CARMIL1: variants seen among roughly 807,000 people sequenced by gnomAD.
CARMIL1 encodes capping protein regulator and myosin 1 linker 1.
Under a neutral mutation model 177.1 loss-of-function variants are expected in CARMIL1, and 90 were observed. The ratio of observed to expected loss-of-function variants is 0.51; its 90% CI spans 0.43 to 0.61. The LOEUF (loss-of-function observed/expected upper bound fraction) is 0.61, where lower values mean the gene tolerates loss of function less well. Ranked by LOEUF, CARMIL1 falls within the 20% of genes least tolerant of loss-of-function variation. CARMIL1 has a pLI of 0.00. For synonymous variants in CARMIL1, 577 were observed against 606.2 expected (o/e 0.95, Z 0.71); for missense variants, 1,380 against 1,667.0 (o/e 0.83, Z 3.00).
At chr6:25,411,583 GC>G (rs1794907956) in intron 2 of CARMIL1, among the ~76,000 whole-genome samples, 1 of 152,150 alleles carries the variant, frequency 6.6e-6, no homozygotes, top group Non-Finnish European at 1.5e-5. Context: ...TTTCTTTTAT[GC>G]TTTGATAACA....
chr6:25,536,892 T>C (rs1003065202), intron 24 of CARMIL1, among the ~76,000 whole-genome samples: 2 of 152,132 alleles, frequency 1.3e-5, no homozygotes, highest in African/African-American at 4.8e-5. Flanking sequence ...AAGAGGACTC[T>C]TGACATGTAA....
intron 2 of CARMIL1, among the ~76,000 whole-genome samples, chr6:25,349,393 A>G (rs1175472269): frequency 6.6e-6 from 1 of 152,256 alleles, no homozygotes; most frequent in Non-Finnish European, 1.5e-5. Context: ...GTTATTAACC[A>G]AATGAAATGA....
At chr6:25,367,699 A>C (rs1273798755) in intron 2 of CARMIL1, among the ~76,000 whole-genome samples, 1 of 152,156 alleles carries the variant, frequency 6.6e-6, no homozygotes, top group African/African-American at 2.4e-5. Context: ...TGAACACTTG[A>C]CTTCCAAACA....
At chr6:25,550,514 T>C (rs978838141) in intron 26 of CARMIL1, among the ~76,000 whole-genome samples, 1 of 152,156 alleles carries the variant, frequency 6.6e-6, no homozygotes, top group Admixed American at 6.5e-5. Context: ...ATATGATATA[T>C]TTTCTAGGGT....
intron 2 of CARMIL1, among the ~76,000 whole-genome samples, chr6:25,292,618 A>G (rs1331377813): frequency 6.6e-6 from 1 of 152,146 alleles, no homozygotes; most frequent in Non-Finnish European, 1.5e-5. Context: ...CTCATCTGCA[A>G]CTGCCCCAGT....
chr6:25,386,783 G>A (rs1407782298), intron 2 of CARMIL1, among the ~76,000 whole-genome samples: 3 of 151,990 alleles, frequency 2.0e-5, no homozygotes, highest in Non-Finnish European at 4.4e-5. Flanking sequence ...ATTAGAATTT[G>A]CATGAAAGTA....
chr6:25,492,375 G>A (rs1433194563), intron 15 of CARMIL1, among the ~76,000 whole-genome samples: 1 of 152,184 alleles, frequency 6.6e-6, no homozygotes, highest in Non-Finnish European at 1.5e-5. Context: ...TACTTTCAGA[G>A]AGTAAAGAGA....
intron 2 of CARMIL1, among the ~76,000 whole-genome samples, chr6:25,407,653 G>A (rs1013503217): frequency 1.3e-5 from 2 of 152,194 alleles, no homozygotes; most frequent in African/African-American, 4.8e-5. Flanking sequence ...GGCTAGGTAA[G>A]TTCAGCCAAG....
At chr6:25,281,166 A>G (rs537531964) in intron 1 of CARMIL1, among the ~76,000 whole-genome samples, 14 of 150,052 alleles carry the variant, frequency 9.3e-5, no homozygotes, top group East Asian at 5.9e-4. Context: ...ACACACACAC[A>G]CACGCACCTC....
chr6:25,559,852 T>C (rs1213640414), intron 29 of CARMIL1, among the ~76,000 whole-genome samples: 2 of 152,192 alleles, frequency 1.3e-5, no homozygotes, highest in African/African-American at 4.8e-5. Flanking sequence ...GGATTTCTAG[T>C]CTTCATGTTT....
chr6:25,550,986 A>T lies in CARMIL1; in HGVS notation c.2405A>T (p.Asp802Val), dbSNP rs758138101. ...NVMKKAHIRQ[D>V]LIHASTEKIS... is the part of the protein sequence containing the mutation. ...ATGAAAAAAGCCCACATTCGACAAG[A>T]CTTGATTCATGCCAGCACCGAAAAG... The change falls in exon 27 of 37, where the codon GAC (aspartate) becomes GTC (valine). Residue 802 changes from aspartate to valine, a missense_variant. Asp to Val is a radical substitution (Grantham distance 152). Transcript: ENST00000329474. 6 of 1,613,440 alleles carry T rather than the reference A, an allele frequency of 3.7e-6. No homozygotes were observed. The highest frequency in any genetic ancestry group is 5.1e-6 in the Non-Finnish European group (6 of 1,179,582).
intron 3 of CARMIL1, among the ~76,000 whole-genome samples, 163 bp from the exon 4 acceptor site, chr6:25,426,338 G>A (rs1207880246): frequency 6.6e-6 from 1 of 151,296 alleles, no homozygotes; most frequent in Non-Finnish European, 1.5e-5. Flanking sequence ...TTGAATGAAT[G>A]GAGATATTAA....
chr6:25,595,216 T>C (rs746568284), intron 32 of CARMIL1, among the ~76,000 whole-genome samples: 4 of 152,182 alleles, frequency 2.6e-5, no homozygotes, highest in African/African-American at 4.8e-5. Context: ...CTCAACTAAA[T>C]ACAAATCTAT....
intron 2 of CARMIL1, chr6:25,369,981 A>C (rs1790245760): frequency 6.6e-6 from 1 of 151,922 alleles, no homozygotes; most frequent in Non-Finnish European, 1.5e-5. Context: ...CGGTGCTTCT[A>C]CTCTTGGCCT....
intron 29 of CARMIL1, chr6:25,563,428 G>C (rs946704602): frequency 7.9e-5 from 78 of 985,254 alleles, no homozygotes; most frequent in Non-Finnish European, 9.3e-5. Flanking sequence ...ATGTATGTGA[G>C]AGAACCTGCC....
At chr6:25,408,014 G>T (rs1026780532) in intron 2 of CARMIL1, among the ~76,000 whole-genome samples, 1 of 152,168 alleles carries the variant, frequency 6.6e-6, no homozygotes, top group East Asian at 1.9e-4. Flanking sequence ...CACTGTGAGG[G>T]CCAGGTGTGG....
At chr6:25,318,513 G>A (rs897209667) in intron 2 of CARMIL1, among the ~76,000 whole-genome samples, 1 of 152,296 alleles carries the variant, frequency 6.6e-6, no homozygotes, top group Admixed American at 6.5e-5. Context: ...TTTGTCATCT[G>A]TCCTACTCCG....
Position 25,610,067 on chromosome 6 carries a change from C to G in CARMIL1, c.3865C>G (p.Pro1289Ala), listed in dbSNP as rs777281576. The change falls in exon 36 of 37, where the codon CCA becomes GCA. Residue 1289 changes from proline to alanine, a missense_variant. Physicochemically the swap from Pro to Ala is conservative, Grantham distance 27. Transcript: ENST00000329474. Reference protein sequence around the residue: ...ASRPDDIPDSPSSPKVALLPP... With the variant: ...ASRPDDIPDSASSPKVALLPP... ...CTCCTTAGATGACATTCCAGACTCT[C>G]CATCTAGCCCGAAAGTTGCCCTTCT... 18 of 1,613,772 alleles carry G rather than the reference C, an allele frequency of 1.1e-5. No individual in the cohort carries two copies. The highest frequency in any genetic ancestry group is 1.6e-4 in the Middle Eastern group (1 of 6,084).
intron 36 of CARMIL1, among the ~76,000 whole-genome samples, chr6:25,612,081 T>C (rs1816553594): frequency 6.6e-6 from 1 of 152,234 alleles, no homozygotes; most frequent in South Asian, 2.1e-4. Context: ...GTGGAGACCA[T>C]GACTTTCCCA....
Sources: gnomAD v4.1 joint callset for allele counts (sites outside exome capture counted in the v4.1 genomes callset) on GRCh38, gnomAD v4.1.1 for gene constraint, MANE v1.5 for transcripts, NCBI Gene and HGNC (gene_info 2026-07-23, HGNC 2026-07-21) for gene names.